The following HACE1 variants were observed in gnomAD, a reference collection of about 807,000 sequenced individuals.
The protein encoded by HACE1 is HECT domain and ankyrin repeat containing E3 ubiquitin protein ligase 1.
Under a neutral mutation model 118.4 loss-of-function variants are expected in HACE1, and 73 were observed. The ratio of observed to expected loss-of-function variants is 0.62; its 90% CI spans 0.51 to 0.75. The LOEUF (loss-of-function observed/expected upper bound fraction) is 0.75, where lower values mean the gene tolerates loss of function less well. Among genes scored for constraint, HACE1 ranks in the 30% least tolerant of loss-of-function variants. The pLI is 0.00. For missense variants in HACE1, 749 were observed against 1,102.2 expected, an observed-to-expected ratio of 0.68 and a Z score of 4.54; for synonymous variants, 368 against 374.8, an observed-to-expected ratio of 0.98 and a Z score of 0.21.
At chr6:104,808,657 A>G (rs1223087258) in intron 7 of HACE1, among the ~76,000 whole-genome samples, 1 of 152,192 alleles carries the variant, frequency 6.6e-6, no homozygotes, top group Non-Finnish European at 1.5e-5. Context: ...AAAACTATAC[A>G]TTCCATTTAA....
In HACE1 at chr6:104,746,790, T is replaced by C. The variant is rs762065043; in HGVS notation, c.2344-2180A>G. On this transcript the variant is annotated intron_variant, in intron 20 of 23. Transcript: ENST00000262903. ...TCTGTTCCCTGACAGGACTCTGATA[T>C]AGGTTTGCTAAAAGGGAGTGGGACA... 4.6e-4 allele frequency among the ~76,000 whole-genome samples: 70 copies of C among 152,330 alleles called. 1 individual carries two copies. Among genetic ancestry groups the C allele is most frequent in the African/African-American group, 5.5e-4 (23 of 41,586 alleles).
At chr6:104,743,860 A>G (rs555879564) in intron 22 of HACE1, among the ~76,000 whole-genome samples, 3 of 152,108 alleles carry the variant, frequency 2.0e-5, no homozygotes, top group African/African-American at 4.8e-5. Flanking sequence ...AAATATTAAA[A>G]ATTTGGCTAC....
chr6:104,740,612 A>T (rs1028419379), intron 22 of HACE1, among the ~76,000 whole-genome samples: 72 of 151,712 alleles, frequency 4.7e-4, no homozygotes, highest in African/African-American at 1.5e-3. Context: ...TAAACTAGGA[A>T]GAAGTTGAAT....
intron 10 of HACE1, 32 bp from the exon 11 acceptor site, chr6:104,791,686 G>A: frequency 7.1e-7 from 1 of 1,415,604 alleles, no homozygotes; most frequent in Non-Finnish European, 1.0e-6. Context: ...TGAGATTAGA[G>A]TAAAACAAAT....
rs115294815 is a variant in HACE1 at position 104,834,679 on chromosome 6, T to C, written c.403-1506A>G. On this transcript the variant is annotated intron_variant, in intron 5 of 23. Transcript: ENST00000262903. Reference sequence around the variant, plus strand: ...AAGTTTTGGAAGCAAAGAAAGTAGATGATGCTTTTTATCTTGTCAGATTAT... The same window carrying C: ...AAGTTTTGGAAGCAAAGAAAGTAGACGATGCTTTTTATCTTGTCAGATTAT... Among the ~76,000 whole-genome samples, 273 of 152,292 alleles carry C rather than the reference T, an allele frequency of 1.8e-3. 1 individual carries two copies. The highest frequency in any genetic ancestry group is 6.3e-3 in the African/African-American group (260 of 41,560).
intron 5 of HACE1, among the ~76,000 whole-genome samples, chr6:104,834,835 A>C (rs936546869): frequency 6.6e-5 from 10 of 152,192 alleles, no homozygotes; most frequent in Non-Finnish European, 1.5e-4. Context: ...AAGAGGTTGA[A>C]AGTTTATTTA....
intron 7 of HACE1, among the ~76,000 whole-genome samples, chr6:104,808,136 A>G (rs900740920): frequency 6.6e-6 from 1 of 152,164 alleles, no homozygotes; most frequent in African/African-American, 2.4e-5. Context: ...CAGTGAGCCA[A>G]GATCACGCCA....
chr6:104,831,984 AAGGAAG>A (rs1448649433), intron 6 of HACE1, among the ~76,000 whole-genome samples: 8 of 58,504 alleles, frequency 1.4e-4, no homozygotes, highest in African/African-American at 5.4e-4. Flanking sequence ...AGAAGAGAGG[AAGGAAG>A]GAAGGAAGGA....
chr6:104,785,567 G>T, intron 11 of HACE1: 5 of 398,070 alleles, frequency 1.3e-5, no homozygotes, highest in Non-Finnish European at 2.3e-5. Flanking sequence ...GTAATAAAAA[G>T]GAAAAACTAA....
At chr6:104,730,475 A>G in intron 22 of HACE1, 59 bp from the exon 23 acceptor site, 1 of 874,670 alleles carries the variant, frequency 1.1e-6, no homozygotes, top group Non-Finnish European at 2.0e-6. Flanking sequence ...GTGACAGATA[A>G]ATTTCAAGTT....
intron 7 of HACE1, among the ~76,000 whole-genome samples, chr6:104,809,426 A>T (rs1480483192): frequency 6.6e-6 from 1 of 152,142 alleles, no homozygotes; most frequent in East Asian, 1.9e-4. Context: ...CCTAAGGAAG[A>T]ACATTTCAGG....
At chr6:104,797,065 T>C (rs1394298778) in intron 7 of HACE1, 40 bp from the exon 8 acceptor site, 1 of 1,105,684 alleles carries the variant, frequency 9.0e-7, no homozygotes, top group East Asian at 2.4e-5. Flanking sequence ...ACAATCTTTT[T>C]AAAGTCTTTC....
chr6:104,745,602 G>A (rs57378542), intron 20 of HACE1, among the ~76,000 whole-genome samples: 338 of 151,878 alleles, frequency 2.2e-3, no homozygotes, highest in African/African-American at 7.8e-3. Context: ...CACCATGCCC[G>A]GCTAATTTTT....
At chr6:104,763,729 T>A (rs1241910572) in intron 19 of HACE1, among the ~76,000 whole-genome samples, 2 of 152,138 alleles carry the variant, frequency 1.3e-5, no homozygotes, top group Non-Finnish European at 2.9e-5. Flanking sequence ...GCTTTCTGTT[T>A]CCATCTGGAA....
chr6:104,744,315 A>G (rs1340369105), intron 21 of HACE1, 85 bp from the exon 22 acceptor site: 21 of 928,634 alleles, frequency 2.3e-5, no homozygotes, highest in Non-Finnish European at 3.6e-5. Flanking sequence ...ATATTCATAA[A>G]GCACATTTTA....
chr6:104,775,138 T>C (rs905185916), intron 17 of HACE1, among the ~76,000 whole-genome samples: 1 of 152,130 alleles, frequency 6.6e-6, no homozygotes, highest in African/African-American at 2.4e-5. Context: ...GCTCAAGAGT[T>C]TGAGGCCAGC....
At chr6:104,856,441 G>GA (rs558539389) in intron 1 of HACE1, among the ~76,000 whole-genome samples, 1 of 148,520 alleles carries the variant, frequency 6.7e-6, no homozygotes, top group South Asian at 2.1e-4. Context: ...TTATTTATGT[G>GA]TTTTTTTTTT....
Position 104,833,084 on chromosome 6 carries a change from C to T in HACE1, c.492G>A (p.Gly164=). 2 of 1,613,092 alleles carry T rather than the reference C, an allele frequency of 1.2e-6. No homozygotes were observed. Among genetic ancestry groups the T allele is most frequent in the Non-Finnish European group, 1.7e-6 (2 of 1,179,024 alleles). The change falls in exon 6 of 24, where the codon GGG becomes GGA. Residue 164 remains glycine, a synonymous_variant. Transcript: ENST00000262903. ...VSDVDVEDAM[G]QTALHVACQN... is the part of the protein sequence containing the mutation. ...GGCAGGCAACATGCAGTGCTGTCTG[C>T]CCCATGGCATCCTCAACATCAACAT... is the stretch of plus-strand genomic sequence containing the variant.
At chr6:104,763,948 G>T (rs1393659031) in intron 19 of HACE1, among the ~76,000 whole-genome samples, 3 of 152,096 alleles carry the variant, frequency 2.0e-5, no homozygotes, top group Non-Finnish European at 2.9e-5. Flanking sequence ...TACTTGAGAG[G>T]CTAAGGCAGA....
Sources: gnomAD v4.1 joint callset for allele counts (sites outside exome capture counted in the v4.1 genomes callset) on GRCh38, gnomAD v4.1.1 for gene constraint, MANE v1.5 for transcripts, NCBI Gene and HGNC (gene_info 2026-07-23, HGNC 2026-07-21) for gene names.